Variants in CDC20B observed in about 807,000 individuals in gnomAD.
The protein encoded by CDC20B is cell division cycle 20B.
Under a neutral mutation model 64.1 loss-of-function variants are expected in CDC20B, and 58 were observed. The ratio of observed to expected loss-of-function variants is 0.90; its 90% CI spans 0.73 to 1.13. The LOEUF (loss-of-function observed/expected upper bound fraction) is 1.13, where lower values mean the gene tolerates loss of function less well. Ranked by LOEUF, CDC20B falls within the 50% of genes most tolerant of loss-of-function variation. CDC20B has a pLI of 0.00. For missense variants in CDC20B, 597 were observed against 633.0 expected (o/e 0.94, Z 0.61); for synonymous variants, 243 against 230.6 (o/e 1.05, Z -0.49).
chr5:55,142,153 G>A (rs544507816), intron 4 of CDC20B, among the ~76,000 whole-genome samples: 1 of 152,112 alleles, frequency 6.6e-6, no homozygotes, highest in Admixed American at 6.6e-5. Context: ...ACTTTAATCA[G>A]CAACTTAATA....
chr5:55,120,420 T>C lies in CDC20B; in HGVS notation c.1341+5A>G, dbSNP rs1002572362. Reference sequence around the variant, plus strand: ...ATGAAGATGAAGCCCAGAGGAGATATTAACCTGTGAGTTTGTGCTTGGGGT... The same window carrying C: ...ATGAAGATGAAGCCCAGAGGAGATACTAACCTGTGAGTTTGTGCTTGGGGT... On this transcript the variant is annotated splice_donor_5th_base_variant and intron_variant, in intron 10 of 11. Transcript: ENST00000381375. 1.2e-5 allele frequency: 20 copies of C among 1,613,624 alleles called. No individual in the cohort carries two copies. The highest frequency in any genetic ancestry group is 1.5e-5 in the Non-Finnish European group (18 of 1,179,648).
At chr5:55,115,087 G>C (rs541233865) in intron 11 of CDC20B, among the ~76,000 whole-genome samples, 1 of 152,132 alleles carries the variant, frequency 6.6e-6, no homozygotes, top group African/African-American at 2.4e-5. Context: ...CTGGGCCCCA[G>C]GTTTCAATAA....
Position 55,146,670 on chromosome 5 carries a change from A to G in CDC20B, c.313T>C (p.Ser105Pro). ...STTYLPEASG[S>P]VLKTPPEKET... ...TTCTCAGGCGGTGTCTTCAGCACTG[A>G]TCCGGAAGCTTCTGGGAGGTAGGTG... Residue 105 changes from serine (S) to proline (P), a missense_variant, in exon 3 of 12, where the codon TCA becomes CCA. Physicochemically the swap from Ser to Pro is moderately conservative, Grantham distance 74. Coordinates refer to ENST00000381375, the MANE Select transcript of CDC20B (RefSeq NM_001170402.1). 1 of 1,614,092 alleles carries G rather than the reference A, an allele frequency of 6.2e-7. No individual in the cohort carries two copies. The highest frequency in any genetic ancestry group is 1.1e-5 in the South Asian group (1 of 91,078).
rs1743487416 is a variant in CDC20B at position 55,146,698 on chromosome 5, T to C, written c.285A>G (p.Ser95=). 1 of 1,614,104 alleles carries C rather than the reference T, an allele frequency of 6.2e-7. No individual in the cohort carries two copies. The highest frequency in any genetic ancestry group is 8.5e-7 in the Non-Finnish European group (1 of 1,180,034). The part of the protein sequence containing the change: ...LSSDSFGEEQ[S]TTYLPEASGS... ...CGGAAGCTTCTGGGAGGTAGGTGGT[T>C]GACTGCTCTTCCCCAAAGGAATCAG... The change falls in exon 3 of 12, where the codon TCA becomes TCG. Residue 95 remains serine, a synonymous_variant. Transcript: ENST00000381375.
chr5:55,154,439 C>T, intron 2 of CDC20B, among the ~76,000 whole-genome samples: 1 of 152,088 alleles, frequency 6.6e-6, no homozygotes, highest in Non-Finnish European at 1.5e-5. Flanking sequence ...ATTGCTTGAT[C>T]CTGGGAGGTC....
In CDC20B at chr5:55,114,474, C is replaced by G. The variant is rs1171071424; in HGVS notation, c.1460-156G>C. ...CAGAGCTGCCACCAACTGAGCCATG[C>G]TGGGAGACAGCAGTCAGGGCCGACT... On this transcript the variant is annotated intron_variant, in intron 11 of 11. Transcript: ENST00000381375. The surrounding 1 kb of genome is among the most constrained non-coding windows in gnomAD (Gnocchi z 4.1). Among the ~76,000 whole-genome samples the G allele has an allele frequency of 1.3e-5, 2 of 152,258 alleles. No homozygotes were observed. The highest frequency in any genetic ancestry group is 1.3e-4 in the Admixed American group (2 of 15,284).
intron 2 of CDC20B, chr5:55,160,199 C>G: frequency 6.2e-7 from 1 of 1,613,354 alleles, no homozygotes; most frequent in Non-Finnish European, 8.5e-7. Flanking sequence ...CAACATGGAG[C>G]CTCTTGCAGC....
At chr5:55,155,217 C>T (rs1409567486) in intron 2 of CDC20B, among the ~76,000 whole-genome samples, 2 of 152,136 alleles carry the variant, frequency 1.3e-5, no homozygotes, top group African/African-American at 4.8e-5. Flanking sequence ...TTCAGAGCAC[C>T]AGTGCCAAAA....
intron 2 of CDC20B, chr5:55,160,965 C>T: frequency 6.3e-7 from 1 of 1,582,284 alleles, no homozygotes; most frequent in Non-Finnish European, 8.6e-7. Flanking sequence ...GCTTCACTTT[C>T]CGGTTGGATT....
At chr5:55,144,009 A>C (rs1053153233) in intron 3 of CDC20B, among the ~76,000 whole-genome samples, 8 of 152,114 alleles carry the variant, frequency 5.3e-5, no homozygotes, top group African/African-American at 9.7e-5. Flanking sequence ...AAAAAAAAAA[A>C]AACCAGATTT....
chr5:55,150,897 C>A (rs1039532163), intron 2 of CDC20B, among the ~76,000 whole-genome samples: 4 of 152,066 alleles, frequency 2.6e-5, no homozygotes, highest in African/African-American at 9.7e-5. Context: ...AGGTGTGCAC[C>A]ACCACACCTG....
Position 55,146,571 on chromosome 5 carries a change from G to A in CDC20B, c.355+57C>T, listed in dbSNP as rs544299465. 2.5e-6 allele frequency: 3 copies of A among 1,218,552 alleles called. No homozygotes were observed. The South Asian group carries it at 3.7e-5, about 15-fold the overall frequency. The allele number at this position is 1,218,552 out of a possible 1,614,324, so 75.5% of individuals were successfully genotyped here. On this transcript the variant is annotated intron_variant, in intron 3 of 11. Transcript: ENST00000381375. ...GTTCTACAAGACAAAGATTCTCTCA[G>A]GAATATATCTTTTATTCACGTTGCA...
intron 8 of CDC20B, among the ~76,000 whole-genome samples, chr5:55,125,279 A>T (rs889523448): frequency 6.6e-5 from 10 of 152,206 alleles, no homozygotes; most frequent in African/African-American, 1.7e-4. Context: ...GTTTCTAATG[A>T]CTTTAATCTG....
intron 6 of CDC20B, 42 bp from the exon 7 acceptor site, chr5:55,128,659 C>T: frequency 7.3e-7 from 1 of 1,376,760 alleles, no homozygotes; most frequent in East Asian, 2.7e-5. Flanking sequence ...TATACAGCCA[C>T]ATGAAAACAT....
chr5:55,160,193 A>T (rs776583268), intron 2 of CDC20B: 11 of 1,612,998 alleles, frequency 6.8e-6, no homozygotes, highest in East Asian at 2.2e-5. Flanking sequence ...ATCCTCCAAC[A>T]TGGAGCCTCT....
chr5:55,128,531 T>G lies in CDC20B; in HGVS notation c.784A>C (p.Asn262His), dbSNP rs1005549573. The stretch of plus-strand genomic sequence containing the variant: ...CTTAAGTCTATGTTTTCAATCCCAT[T>G]GTGGTTCTCCCCATTCCAGATGTAT... ...AVYIWNGENH[N>H]GIENIDLSLT... is the part of the protein sequence containing the mutation. The change falls in exon 7 of 12, where the codon AAT (asparagine) becomes CAT (histidine). Residue 262 changes from asparagine to histidine, a missense_variant. Physicochemically the swap from Asn to His is moderately conservative, Grantham distance 68. Coordinates refer to ENST00000381375, the MANE Select transcript of CDC20B (RefSeq NM_001170402.1). 3 of 1,611,296 alleles carry G rather than the reference T, an allele frequency of 1.9e-6. No homozygotes were observed. The highest frequency in any genetic ancestry group is 2.7e-5 in the African/African-American group (2 of 74,740).
rs935886471 is a variant in CDC20B at position 55,169,862 on chromosome 5, C to G, written c.126+2726G>C. On this transcript the variant is annotated intron_variant, in intron 2 of 11. Coordinates refer to ENST00000381375, the MANE Select transcript of CDC20B (RefSeq NM_001170402.1). ...GGCGCAGTGGCTCACGCCTGTAATC[C>G]CAGCACTTTGGGAGGCCGAGGCGGG... is the stretch of plus-strand genomic sequence containing the variant. Among the ~76,000 whole-genome samples, 9 of 152,250 alleles carry G rather than the reference C, an allele frequency of 5.9e-5. No individual in the cohort carries two copies. The East Asian group carries it at 1.5e-3, about 26-fold the overall frequency.
chr5:55,146,601 G>A (rs748712142), intron 3 of CDC20B, 27 bp downstream of exon 3: 44 of 1,517,044 alleles, frequency 2.9e-5, no homozygotes, highest in Non-Finnish European at 3.9e-5. Context: ...GTTGCAAAAC[G>A]GGGCTGTGGC....
chr5:55,137,434 A>T (rs1743210597), intron 5 of CDC20B: 1 of 417,200 alleles, frequency 2.4e-6, no homozygotes, highest in South Asian at 1.8e-5. Flanking sequence ...TGCTTTATAT[A>T]CACAGCATTT....
Sources: allele counts gnomAD v4.1 joint callset (sites outside exome capture counted in the v4.1 genomes callset), GRCh38; gene constraint gnomAD v4.1.1; non-coding constraint Gnocchi (gnomAD v3.1); transcripts MANE v1.5; gene names NCBI Gene and HGNC (gene_info 2026-07-23, HGNC 2026-07-21).